Variants in COL19A1 observed in about 807,000 individuals in gnomAD.
COL19A1 encodes the protein collagen type XIX alpha 1 chain.
Under a neutral mutation model 190.2 loss-of-function variants are expected in COL19A1, and 159 were observed. That is an observed-to-expected ratio of 0.84 (90% CI 0.73 to 0.95). The LOEUF (loss-of-function observed/expected upper bound fraction) is 0.95, where lower values mean the gene tolerates loss of function less well. COL19A1 is among the 40% of genes least tolerant of loss of function. The pLI, the probability that COL19A1 is intolerant of heterozygous loss-of-function variation, is 0.00. For synonymous variants in COL19A1, 509 were observed against 458.9 expected, an observed-to-expected ratio of 1.11 and a Z score of -1.39; for missense variants, 1,418 against 1,431.9, an observed-to-expected ratio of 0.99 and a Z score of 0.16.
At chr6:70,096,551 T>A (rs9446195) in intron 15 of COL19A1, among the ~76,000 whole-genome samples, 1 of 152,042 alleles carries the variant, frequency 6.6e-6, no homozygotes, top group Non-Finnish European at 1.5e-5. Context: ...TTTACATCAA[T>A]GAAATCTTAG....
intron 18 of COL19A1, 129 bp downstream of exon 18, chr6:70,130,352 A>G (rs1562202791): frequency 3.0e-6 from 2 of 676,200 alleles, no homozygotes; most frequent in Non-Finnish European, 4.9e-6. Flanking sequence ...CAGCCTCCCA[A>G]GTAGCTGGGA....
At chr6:69,999,242 A>G (rs1428547594) in intron 11 of COL19A1, among the ~76,000 whole-genome samples, 1 of 151,026 alleles carries the variant, frequency 6.6e-6, no homozygotes, top group Non-Finnish European at 1.5e-5. Flanking sequence ...AATTGCTAAA[A>G]TTAAAAAGAC....
At chr6:70,168,832 A>G (rs1765326664) in intron 40 of COL19A1, 151 bp downstream of exon 40, 2 of 734,338 alleles carry the variant, frequency 2.7e-6, no homozygotes, top group South Asian at 3.8e-5. Context: ...AATGCCAGCA[A>G]TATGTTCTCT....
chr6:70,162,588 T>C (rs1787876708), intron 35 of COL19A1, among the ~76,000 whole-genome samples: 2 of 152,188 alleles, frequency 1.3e-5, no homozygotes, highest in African/African-American at 4.8e-5. Flanking sequence ...AACAAATAAT[T>C]GTTTAATATA....
chr6:70,162,134 C>G (rs374140986), intron 35 of COL19A1, among the ~76,000 whole-genome samples, 181 bp downstream of exon 35: 1 of 152,168 alleles, frequency 6.6e-6, no homozygotes, highest in Admixed American at 6.6e-5. Context: ...TAAGGCTACT[C>G]AGTGTCCTGG....
chr6:70,161,859 A>G, intron 34 of COL19A1, 41 bp from the exon 35 acceptor site: 1 of 1,547,220 alleles, frequency 6.5e-7, no homozygotes, highest in African/African-American at 1.4e-5. Flanking sequence ...CCTTCTTCCC[A>G]ATGATATAAC....
chr6:70,177,054 A>G (rs1279204583), intron 42 of COL19A1, among the ~76,000 whole-genome samples: 3 of 152,078 alleles, frequency 2.0e-5, no homozygotes, highest in Non-Finnish European at 4.4e-5. Flanking sequence ...AATCCTCTCA[A>G]TCATTTTTGT....
At chr6:69,984,102 T>G (rs2150067979) in intron 11 of COL19A1, among the ~76,000 whole-genome samples, 1 of 152,260 alleles carries the variant, frequency 6.6e-6, no homozygotes, top group East Asian at 1.9e-4. Flanking sequence ...TGAAAGATTT[T>G]TACATTATGG....
At chr6:70,147,928 C>T (rs1388122824) in intron 27 of COL19A1, among the ~76,000 whole-genome samples, 1 of 152,108 alleles carries the variant, frequency 6.6e-6, no homozygotes, top group African/African-American at 2.4e-5. Context: ...CGCTTTCTTA[C>T]GTTTACTGGT....
At chr6:70,097,362 A>G (rs903026498) in intron 15 of COL19A1, among the ~76,000 whole-genome samples, 7 of 152,040 alleles carry the variant, frequency 4.6e-5, no homozygotes, top group African/African-American at 1.7e-4. Flanking sequence ...ATGCTGTTGC[A>G]TGGGCCAGGA....
chr6:69,956,444 G>T (rs533271444), intron 9 of COL19A1, among the ~76,000 whole-genome samples: 1 of 151,234 alleles, frequency 6.6e-6, no homozygotes. Flanking sequence ...AATATAGAAG[G>T]AAAAAATTCT....
intron 42 of COL19A1, among the ~76,000 whole-genome samples, chr6:70,178,241 T>C (rs965955549): frequency 2.6e-5 from 4 of 152,006 alleles, no homozygotes; most frequent in African/African-American, 9.7e-5. Context: ...GTGCAAAAAT[T>C]AGCTGGGCAC....
Position 70,180,521 on chromosome 6 carries a change from CCAGT to C in COL19A1, c.2774_2775+2del, listed in dbSNP as rs1562249354. 1 of 1,614,032 alleles carries C rather than the reference CCAGT, an allele frequency of 6.2e-7. No homozygotes were observed. The highest frequency in any genetic ancestry group is 8.5e-7 in the Non-Finnish European group (1 of 1,179,938). ...TGGACCAGAAGGACCCTCAGGAAAG[CCAGT>C]AAGTACTTCTTACTACTTAAAATAT... is the stretch of plus-strand genomic sequence containing the variant. On this transcript the variant is annotated splice_donor_variant and coding_sequence_variant, in exon 44 of 51. Transcript: ENST00000620364. LOFTEE classifies it high-confidence loss of function.
chr6:69,869,333 G>A (rs1161736781), intron 1 of COL19A1, among the ~76,000 whole-genome samples: 1 of 152,166 alleles, frequency 6.6e-6, no homozygotes, highest in Admixed American at 6.5e-5. Context: ...GCTTTTTAGG[G>A]TGTTATTTTG....
intron 4 of COL19A1, among the ~76,000 whole-genome samples, chr6:69,902,675 G>A (rs537275542): frequency 6.6e-6 from 1 of 152,280 alleles, no homozygotes; most frequent in Non-Finnish European, 1.5e-5. Context: ...CTGTGCTAAA[G>A]TTATAGGGAA....
At chr6:70,185,021 T>A in intron 46 of COL19A1, 106 bp downstream of exon 46, 2 of 1,039,130 alleles carry the variant, frequency 1.9e-6, no homozygotes, top group Non-Finnish European at 2.8e-6. Context: ...TCACCAAATC[T>A]ATAAAGGCTA....
rs775846004 is a variant in COL19A1, at chr6:70,180,523, A to G, written c.2775A>G (p.Pro925=). The part of the protein sequence containing the change: ...FPGPEGPSGK[P]GINGKDGIPG... ...GACCAGAAGGACCCTCAGGAAAGCCAGTAAGTACTTCTTACTACTTAAAAT... is the reference window on the plus strand; with the variant it reads ...GACCAGAAGGACCCTCAGGAAAGCCGGTAAGTACTTCTTACTACTTAAAAT... Residue 925 remains proline, a splice_region_variant and synonymous_variant, in exon 44 of 51, where the codon CCA becomes CCG. Transcript: ENST00000620364. 1.2e-6 allele frequency: 2 copies of G among 1,613,990 alleles called. No individual in the cohort carries two copies. The highest frequency in any genetic ancestry group is 1.7e-6 in the Non-Finnish European group (2 of 1,179,972).
intron 2 of COL19A1, chr6:69,879,899 A>G (rs1768404121): frequency 7.6e-6 from 4 of 526,570 alleles, no homozygotes; most frequent in Non-Finnish European, 1.3e-5. Flanking sequence ...CAATATTTAC[A>G]AGTATACATA....
At chr6:69,909,925 A>C (rs944167176) in intron 4 of COL19A1, among the ~76,000 whole-genome samples, 1 of 152,162 alleles carries the variant, frequency 6.6e-6, no homozygotes, top group Non-Finnish European at 1.5e-5. Context: ...GCCAGGCAGG[A>C]AATTGTTCAG....
Sources: allele counts gnomAD v4.1 joint callset (sites outside exome capture counted in the v4.1 genomes callset), GRCh38; gene constraint gnomAD v4.1.1; transcripts MANE v1.5; gene names NCBI Gene and HGNC (gene_info 2026-07-23, HGNC 2026-07-21).